Variants in TENM2 observed in about 807,000 individuals in gnomAD.
TENM2 encodes teneurin transmembrane protein 2, also known as teneurin-2.
In TENM2, 52 loss-of-function variants were observed where a neutral mutation model predicts 245.2. The observed-to-expected ratio is 0.21, with a 90% confidence interval of 0.17 to 0.27. The LOEUF (loss-of-function observed/expected upper bound fraction) is 0.27, where lower values mean the gene tolerates loss of function less well. Among genes scored for constraint, TENM2 ranks in the 10% least tolerant of loss-of-function variants. The pLI, the probability that TENM2 is intolerant of heterozygous loss-of-function variation, is 1.00. For missense variants in TENM2, 3,046 were observed against 3,666.8 expected (o/e 0.83, Z 4.37); for synonymous variants, 1,363 against 1,438.9 (o/e 0.95, Z 1.19).
At chr5:167,499,302 A>T (rs796504300) in intron 2 of TENM2, among the ~76,000 whole-genome samples, 24 of 152,312 alleles carry the variant, frequency 1.6e-4, no homozygotes, top group African/African-American at 5.8e-4. Context: ...GAAGTTGAGC[A>T]AAGGGGAACT....
In TENM2 at chr5:167,503,300, T is replaced by C. The variant is rs565740329; in HGVS notation, c.502+127827T>C. Reference sequence around the variant, plus strand: ...AAGAAAAGCCATTAATATTATGCTGTATATACACTCTCCTTTTTCTCACTT... The same window carrying C: ...AAGAAAAGCCATTAATATTATGCTGCATATACACTCTCCTTTTTCTCACTT... On this transcript the variant is annotated intron_variant, in intron 2 of 28. Transcript: ENST00000518659. Among the ~76,000 whole-genome samples the C allele has an allele frequency of 3.9e-5, 6 of 152,298 alleles. No individual in the cohort carries two copies. The South Asian group carries it at 1.2e-3, about 32-fold the overall frequency.
chr5:167,349,260 G>A (rs1018008885), intron 1 of TENM2, among the ~76,000 whole-genome samples: 1 of 152,164 alleles, frequency 6.6e-6, no homozygotes, highest in Admixed American at 6.5e-5. Flanking sequence ...AGATCTAGGT[G>A]TAGTTTCCTC....
the TENM2 span, among the ~76,000 whole-genome samples, chr5:167,092,822 A>G: frequency 1.3e-5 from 2 of 152,332 alleles, no homozygotes; most frequent in South Asian, 4.2e-4. Context: ...AGAAAAATGA[A>G]CAAAAGAAAT....
rs185754990 is a variant in TENM2, at chr5:168,159,101, G to A, written c.2423-3510G>A. Reference sequence around the variant, plus strand: ...GGAGGCTGCAGTGAGCCGACATTGCGCCACTGCACTCCAGCCTGGGCAACA... The same window carrying A: ...GGAGGCTGCAGTGAGCCGACATTGCACCACTGCACTCCAGCCTGGGCAACA... On this transcript the variant is annotated intron_variant, in intron 12 of 28. Transcript: ENST00000518659. Among the ~76,000 whole-genome samples the A allele has an allele frequency of 2.4e-4, 37 of 151,192 alleles. No homozygotes were observed. The East Asian group carries it at 6.8e-3, about 28-fold the overall frequency.
chr5:167,179,045 T>C, the TENM2 span, among the ~76,000 whole-genome samples: 1 of 152,188 alleles, frequency 6.6e-6, no homozygotes, highest in Non-Finnish European at 1.5e-5. Context: ...TGGATTGATT[T>C]CACCCCCAAA....
At chr5:167,652,449 A>G (rs112850392) in intron 2 of TENM2, among the ~76,000 whole-genome samples, 1,669 of 152,062 alleles carry the variant, frequency 0.011, 21 homozygotes, top group Non-Finnish European at 0.014. Context: ...CTTCAGGAGG[A>G]GAAATCTATA....
rs190361971 is a variant in TENM2, at chr5:168,088,321, T to C, written c.1516-2253T>C. 1.1e-4 allele frequency: 16 copies of C among 152,322 alleles called. No homozygotes were observed. In the East Asian group the frequency reaches 3.1e-3, roughly 29 times the overall value. 9.4% of individuals were successfully genotyped at this position (152,322 alleles called of 1,614,324 possible). On this transcript the variant is annotated intron_variant, in intron 7 of 28. Coordinates refer to ENST00000518659, the Ensembl canonical transcript of TENM2. Reference sequence around the variant, plus strand: ...ATTTTCGAGGTTGCTAAGGAACAAATGCTTTGATTAGAAAGGTCTCCAAAA... The same window carrying C: ...ATTTTCGAGGTTGCTAAGGAACAAACGCTTTGATTAGAAAGGTCTCCAAAA...
chr5:167,203,425 C>A, the TENM2 span, among the ~76,000 whole-genome samples: 26 of 152,300 alleles, frequency 1.7e-4, no homozygotes, highest in Non-Finnish European at 3.4e-4. Context: ...TGTGGTATTT[C>A]CAGAACTGAC....
intron 5 of TENM2, among the ~76,000 whole-genome samples, chr5:168,029,511 A>T (rs936809589): frequency 1.3e-5 from 2 of 152,176 alleles, no homozygotes; most frequent in Admixed American, 6.5e-5. Context: ...TTACAATCAG[A>T]TGCTCCAGCC....
chr5:167,409,741 C>A (rs1457774656), intron 2 of TENM2, among the ~76,000 whole-genome samples: 1 of 151,594 alleles, frequency 6.6e-6, no homozygotes, highest in Non-Finnish European at 1.5e-5. Context: ...TGTGCTTGTG[C>A]CATTTTTATT....
At chr5:167,722,775 C>CA (rs959333174) in intron 2 of TENM2, among the ~76,000 whole-genome samples, 27 of 151,294 alleles carry the variant, frequency 1.8e-4, no homozygotes, top group Admixed American at 5.3e-4. Flanking sequence ...GACTCTGTCT[C>CA]AAAAAACAAA....
At chr5:167,119,015 G>A in the TENM2 span, among the ~76,000 whole-genome samples, 6 of 152,274 alleles carry the variant, frequency 3.9e-5, no homozygotes, top group Non-Finnish European at 5.9e-5. Flanking sequence ...GTCTATACAC[G>A]TATGCTTCCA....
chr5:167,098,763 A>G, the TENM2 span, among the ~76,000 whole-genome samples: 1 of 152,226 alleles, frequency 6.6e-6, no homozygotes, highest in African/African-American at 2.4e-5. Context: ...CAATCAATAG[A>G]CAGAAACCAA....
At chr5:167,643,425 G>T (rs1779735353) in intron 2 of TENM2, among the ~76,000 whole-genome samples, 1 of 151,906 alleles carries the variant, frequency 6.6e-6, no homozygotes, top group Non-Finnish European at 1.5e-5. Context: ...CTTTTTTGTG[G>T]TTTAAACATG....
At chr5:167,544,770 G>T (rs1447330479) in intron 2 of TENM2, among the ~76,000 whole-genome samples, 1 of 152,142 alleles carries the variant, frequency 6.6e-6, no homozygotes, top group Non-Finnish European at 1.5e-5. Flanking sequence ...CCCTCATGGA[G>T]CTGATATTCT....
intron 3 of TENM2, among the ~76,000 whole-genome samples, chr5:167,932,245 G>A (rs1229227585): frequency 2.0e-5 from 3 of 152,110 alleles, no homozygotes; most frequent in Admixed American, 6.5e-5. Flanking sequence ...TGGGACCTGC[G>A]AAAGGAAAGG....
chr5:167,109,185 A>G, the TENM2 span, among the ~76,000 whole-genome samples: 1 of 152,170 alleles, frequency 6.6e-6, no homozygotes, highest in Non-Finnish European at 1.5e-5. Context: ...TCTGTTTAAT[A>G]CAGCTAGACC....
At chr5:167,246,287 C>A in the TENM2 span, among the ~76,000 whole-genome samples, 1 of 152,020 alleles carries the variant, frequency 6.6e-6, no homozygotes, top group South Asian at 2.1e-4. Context: ...TAGTGGGCTA[C>A]CGCATTTATG....
At chr5:167,130,692 T>G in the TENM2 span, among the ~76,000 whole-genome samples, 1 of 152,260 alleles carries the variant, frequency 6.6e-6, no homozygotes, top group Non-Finnish European at 1.5e-5. Context: ...GTCTAAGTAG[T>G]GACTGGGATT....
Sources: allele counts gnomAD v4.1 joint callset (sites outside exome capture counted in the v4.1 genomes callset), GRCh38; gene constraint gnomAD v4.1.1; transcripts MANE v1.5; gene names NCBI Gene and HGNC (gene_info 2026-07-23, HGNC 2026-07-21).